Variants in GRID1 observed in about 807,000 individuals in gnomAD.
The protein encoded by GRID1 is glutamate ionotropic receptor delta type subunit 1, also known as glutamate receptor ionotropic, delta-1.
In GRID1, 28 loss-of-function variants were observed where a neutral mutation model predicts 98.0. The ratio of observed to expected loss-of-function variants is 0.29; its 90% CI spans 0.21 to 0.39. The LOEUF (loss-of-function observed/expected upper bound fraction) is 0.39. Among genes scored for constraint, GRID1 ranks in the 10% least tolerant of loss-of-function variants. The probability of loss-of-function intolerance (pLI) is 1.00; values close to 1 mark genes in which losing one functional copy is unlikely to be tolerated. For missense variants in GRID1, 1,111 were observed against 1,340.5 expected (o/e 0.83, Z 2.67); for synonymous variants, 553 against 538.5 (o/e 1.03, Z -0.37).
At chr10:86,156,682 T>C (rs894912093) in intron 3 of GRID1, among the ~76,000 whole-genome samples, 17 of 152,042 alleles carry the variant, frequency 1.1e-4, no homozygotes, top group African/African-American at 4.1e-4. Context: ...AAGCAAGAAA[T>C]GTGTGGCTTG....
At chr10:85,882,622 TG>T (rs1361882289) in intron 5 of GRID1, among the ~76,000 whole-genome samples, 1 of 151,974 alleles carries the variant, frequency 6.6e-6, no homozygotes, top group East Asian at 1.9e-4. Flanking sequence ...GGAACTGTTG[TG>T]GGGTTGGGGG....
At chr10:86,017,151 T>G (rs1023218189) in intron 4 of GRID1, among the ~76,000 whole-genome samples, 3 of 152,216 alleles carry the variant, frequency 2.0e-5, no homozygotes, top group Non-Finnish European at 4.4e-5. Flanking sequence ...ACTTGCTATG[T>G]GTGATAAAAC....
At chr10:86,054,360 G>T (rs1016502596) in intron 4 of GRID1, among the ~76,000 whole-genome samples, 1 of 152,140 alleles carries the variant, frequency 6.6e-6, no homozygotes, top group Non-Finnish European at 1.5e-5. Flanking sequence ...CAGCTGATGC[G>T]GTTGGTCTTT....
At chr10:86,189,387 T>A (rs1447436140) in intron 3 of GRID1, among the ~76,000 whole-genome samples, 1 of 152,040 alleles carries the variant, frequency 6.6e-6, no homozygotes, top group Non-Finnish European at 1.5e-5. Context: ...TGCTGTGGTC[T>A]CACTGCTACC....
chr10:85,988,681 G>A (rs945821227), intron 4 of GRID1, among the ~76,000 whole-genome samples: 1 of 152,220 alleles, frequency 6.6e-6, no homozygotes, highest in Non-Finnish European at 1.5e-5. Context: ...TGAGCCACAG[G>A]TTGGTGGTGT....
chr10:85,787,960 CT>C (rs1333574202), intron 8 of GRID1, among the ~76,000 whole-genome samples: 1 of 151,892 alleles, frequency 6.6e-6, no homozygotes, highest in Non-Finnish European at 1.5e-5. Flanking sequence ...TGGTTCCGCT[CT>C]TTGCTCTTGT....
intron 4 of GRID1, among the ~76,000 whole-genome samples, chr10:85,929,286 AAAGG>A (rs551883116): frequency 1.8e-3 from 268 of 152,232 alleles, no homozygotes; most frequent in Middle Eastern, 0.017. Context: ...ATAGTGACTC[AAAGG>A]TTTAACTCAC....
chr10:85,985,417 G>A (rs542539299), intron 4 of GRID1, among the ~76,000 whole-genome samples: 1 of 152,316 alleles, frequency 6.6e-6, no homozygotes, highest in South Asian at 2.1e-4. Context: ...AAGCTAGCAG[G>A]TGACACCTGA....
intron 4 of GRID1, among the ~76,000 whole-genome samples, chr10:86,089,233 C>G (rs907936502): frequency 5.9e-5 from 9 of 152,170 alleles, no homozygotes; most frequent in African/African-American, 1.9e-4. Flanking sequence ...ATCTGGGGAG[C>G]AGTAACGATG....
chr10:86,110,136 C>T (rs1008235280), intron 4 of GRID1, among the ~76,000 whole-genome samples: 1 of 152,074 alleles, frequency 6.6e-6, no homozygotes, highest in African/African-American at 2.4e-5. Context: ...CCACGCCTGG[C>T]TAATTTTTTA....
intron 12 of GRID1, among the ~76,000 whole-genome samples, chr10:85,651,918 T>C (rs1226127966): frequency 6.6e-6 from 1 of 152,212 alleles, no homozygotes; most frequent in Non-Finnish European, 1.5e-5. Context: ...TAAACCAATA[T>C]CTTCTACTCA....
chr10:85,771,128 C>A (rs1266250138), intron 8 of GRID1, among the ~76,000 whole-genome samples: 1 of 152,196 alleles, frequency 6.6e-6, no homozygotes, highest in East Asian at 1.9e-4. Context: ...GATCTCTCGG[C>A]AGAAACTCTA....
intron 5 of GRID1, among the ~76,000 whole-genome samples, chr10:85,891,414 T>C (rs538923130): frequency 5.3e-5 from 8 of 152,154 alleles, no homozygotes; most frequent in Admixed American, 3.3e-4. Context: ...AGTGTAAAGA[T>C]AAAAAACATA....
chr10:85,936,280 T>C (rs1299565327), intron 4 of GRID1, among the ~76,000 whole-genome samples: 1 of 152,224 alleles, frequency 6.6e-6, no homozygotes, highest in East Asian at 1.9e-4. Context: ...GTCAAATCCC[T>C]GGGAAGCTCT....
chr10:85,694,880 G>A (rs1841376929), intron 12 of GRID1, among the ~76,000 whole-genome samples: 1 of 151,580 alleles, frequency 6.6e-6, no homozygotes, highest in South Asian at 2.1e-4. Flanking sequence ...TTTGAGTGAT[G>A]GTAAGACTAA....
At chr10:85,895,111 C>T (rs1277802413) in intron 5 of GRID1, among the ~76,000 whole-genome samples, 2 of 150,238 alleles carry the variant, frequency 1.3e-5, no homozygotes, top group African/African-American at 2.4e-5. Flanking sequence ...CTTGAAGGTG[C>T]TTGTTTTTGC....
chr10:86,044,375 T>C (rs1429089899), intron 4 of GRID1, among the ~76,000 whole-genome samples: 1 of 152,234 alleles, frequency 6.6e-6, no homozygotes, highest in African/African-American at 2.4e-5. Flanking sequence ...AGTGAGTGAC[T>C]TTACCTCGGT....
Position 85,622,731 on chromosome 10 carries a change from G to A in GRID1, c.2194-2698C>T, listed in dbSNP as rs79994066. 5.9e-3 allele frequency among the ~76,000 whole-genome samples: 892 copies of A among 152,324 alleles called. 3 individuals carry two copies. Among genetic ancestry groups the A allele is most frequent in the Non-Finnish European group, 0.011 (744 of 68,024 alleles). ...TCTCAGATCGAGGGGCTCACCTTTG[G>A]AGACGGCAGAAAATCTAATGCCAGG... On this transcript the variant is annotated intron_variant, in intron 13 of 15. Coordinates refer to ENST00000327946, the MANE Select transcript of GRID1 (RefSeq NM_017551.3).
At chr10:85,602,987 C>A (rs1590153727) in intron 15 of GRID1, among the ~76,000 whole-genome samples, 1 of 152,272 alleles carries the variant, frequency 6.6e-6, no homozygotes, top group South Asian at 2.1e-4. Context: ...CACTGCCATA[C>A]CCAGAACCAA....
Sources: gnomAD v4.1 joint callset for allele counts (sites outside exome capture counted in the v4.1 genomes callset) on GRCh38, gnomAD v4.1.1 for gene constraint, MANE v1.5 for transcripts, NCBI Gene and HGNC (gene_info 2026-07-23, HGNC 2026-07-21) for gene names.